Variants in LNPK observed in about 807,000 individuals in gnomAD.
LNPK encodes lunapark, ER junction formation factor.
A neutral mutation model predicts 55.2 loss-of-function variants in LNPK; 29 were observed. The ratio of observed to expected loss-of-function variants is 0.53; its 90% CI spans 0.39 to 0.72. LNPK has a LOEUF of 0.72. Among genes scored for constraint, LNPK ranks in the 30% least tolerant of loss-of-function variants. The probability of loss-of-function intolerance (pLI) is 0.00; values close to 1 mark genes in which losing one functional copy is unlikely to be tolerated. For synonymous variants in LNPK, 162 were observed against 168.2 expected (o/e 0.96, Z 0.29); for missense variants, 467 against 494.8 (o/e 0.94, Z 0.53).
At chr2:175,945,985 G>A (rs1053497513) in intron 9 of LNPK, among the ~76,000 whole-genome samples, 9 of 151,924 alleles carry the variant, frequency 5.9e-5, no homozygotes, top group Non-Finnish European at 1.2e-4. Flanking sequence ...CACAAATATG[G>A]CATAAAGAAA....
At position 175,937,196 on chromosome 2, in the gene LNPK, C is replaced by T. The variant is rs966417411; in HGVS notation, c.1054+148G>A. On this transcript the variant is annotated intron_variant, in intron 12 of 12. Coordinates refer to ENST00000272748, the MANE Select transcript of LNPK (RefSeq NM_030650.3). ...AGTGAAACACATCACACCTATCACACAGGAGGCTATGGTAACAGAGCCGTA... is the reference window on the plus strand; with the variant it reads ...AGTGAAACACATCACACCTATCACATAGGAGGCTATGGTAACAGAGCCGTA... 6.3e-5 allele frequency: 42 copies of T among 669,454 alleles called. No individual in the cohort carries two copies. The Middle Eastern group carries it at 9.5e-4, about 15-fold the overall frequency. The allele number at this position is 669,454 out of a possible 1,614,324, so 41.5% of individuals were successfully genotyped here.
intron 1 of LNPK, among the ~76,000 whole-genome samples, chr2:175,998,122 T>C (rs1435709798): frequency 6.6e-6 from 1 of 151,758 alleles, no homozygotes; most frequent in Non-Finnish European, 1.5e-5. Flanking sequence ...GCAAGAGAAG[T>C]GAAGTAGTGT....
At chr2:175,941,101 A>T (rs1036833515) in intron 9 of LNPK, 30 of 395,276 alleles carry the variant, frequency 7.6e-5, no homozygotes, top group Admixed American at 1.2e-4. Flanking sequence ...AAATACAAAA[A>T]TTAGCTGGGT....
intron 8 of LNPK, among the ~76,000 whole-genome samples, chr2:175,956,272 T>C (rs1230489572): frequency 7.8e-6 from 1 of 127,990 alleles, no homozygotes; most frequent in African/African-American, 3.0e-5. Context: ...AGTGAGACCA[T>C]GTATTCAAAA....
rs752570730 is a variant in LNPK, at chr2:175,947,624, G to A, written c.562C>T (p.Pro188Ser). 7 of 1,614,022 alleles carry A rather than the reference G, an allele frequency of 4.3e-6. 1 individual carries two copies. The South Asian group carries it at 7.7e-5, about 18-fold the overall frequency. ...PTPASPNQGP[P>S]PQVPVSPGPP... ...CCAGGAGATACTGGAACTTGTGGAG[G>A]AGGGCCCTGGTTAGGGCTTGCTGGT... The change falls in exon 9 of 13, where the codon CCT (proline) becomes TCT (serine). Residue 188 changes from proline (P) to serine (S), a missense_variant. Physicochemically the swap from Pro to Ser is moderately conservative, Grantham distance 74. Coordinates refer to ENST00000272748, the MANE Select transcript of LNPK (RefSeq NM_030650.3).
chr2:175,999,451 C>A (rs1688080039), intron 1 of LNPK, among the ~76,000 whole-genome samples: 1 of 152,190 alleles, frequency 6.6e-6, no homozygotes, highest in Non-Finnish European at 1.5e-5. Context: ...TGTATTCTAA[C>A]CTGTTTACAA....
chr2:175,930,279 C>CAA (rs1684210521), intron 12 of LNPK, 80 bp from the exon 13 acceptor site: 1 of 95,852 alleles, frequency 1.0e-5, no homozygotes, highest in Non-Finnish European at 2.0e-5. Flanking sequence ...AAGATAAACA[C>CAA]ACACACACAC....
chr2:175,963,360 GAAT>G (rs1686159699), intron 8 of LNPK, among the ~76,000 whole-genome samples: 2 of 152,080 alleles, frequency 1.3e-5, no homozygotes, highest in Non-Finnish European at 2.9e-5. Flanking sequence ...ATACACCATG[GAAT>G]ACTATGCAGC....
intron 3 of LNPK, 23 bp downstream of exon 3, chr2:175,993,159 T>C: frequency 6.9e-7 from 1 of 1,442,466 alleles, no homozygotes; most frequent in Non-Finnish European, 9.5e-7. Context: ...TGAATTAAAA[T>C]ACCTCACAGC....
intron 5 of LNPK, among the ~76,000 whole-genome samples, chr2:175,977,763 T>C (rs1447585): frequency 0.53 from 79,780 of 151,666 alleles, 21,711 homozygotes; most frequent in African/African-American, 0.66. Context: ...CAACTACAAA[T>C]AATTTTTTAA....
At chr2:175,969,968 TTTC>T (rs540753869) in intron 6 of LNPK, among the ~76,000 whole-genome samples, 38 of 152,286 alleles carry the variant, frequency 2.5e-4, no homozygotes, top group South Asian at 1.4e-3. Context: ...ACAATATTGG[TTTC>T]TTAATTATTA....
chr2:175,982,664 G>C (rs1687227396), intron 4 of LNPK, among the ~76,000 whole-genome samples: 1 of 151,908 alleles, frequency 6.6e-6, no homozygotes, highest in Non-Finnish European at 1.5e-5. Context: ...CAAAGCACTG[G>C]GATTACAGGC....
intron 5 of LNPK, among the ~76,000 whole-genome samples, chr2:175,976,473 A>G (rs1686918786): frequency 6.6e-6 from 1 of 152,226 alleles, no homozygotes; most frequent in South Asian, 2.1e-4. Flanking sequence ...CACACAAGGT[A>G]TCCAGATAAT....
At position 175,929,398 on chromosome 2, in the gene LNPK, T is replaced by C; in HGVS notation, c.*569A>G. On this transcript the variant is annotated 3_prime_UTR_variant, in exon 13 of 13. Transcript: ENST00000272748. ...CGTACCAGTGCCAACGTAGTTACAGTTCTACTTAACTGTTCCACTGCATTC... is the reference window on the plus strand; with the variant it reads ...CGTACCAGTGCCAACGTAGTTACAGCTCTACTTAACTGTTCCACTGCATTC... 1.0e-6 allele frequency: 1 copy of C among 985,502 alleles called. No homozygotes were observed. Among genetic ancestry groups the C allele is most frequent in the Non-Finnish European group, 1.2e-6 (1 of 829,642 alleles). 61.0% of individuals were successfully genotyped at this position (985,502 alleles called of 1,614,324 possible).
rs1684142263 is a variant in LNPK, at chr2:175,928,993, T to C, written c.*974A>G. The C allele has an allele frequency of 1.3e-5, 5 of 384,346 alleles. No individual in the cohort carries two copies. Among genetic ancestry groups the C allele is most frequent in the Non-Finnish European group, 1.1e-5 (3 of 280,196 alleles). The allele number at this position is 384,346 out of a possible 1,614,324, so 23.8% of individuals were successfully genotyped here. On this transcript the variant is annotated 3_prime_UTR_variant, in exon 13 of 13. Transcript: ENST00000272748. ...GAAACAAGTCTGAATAAAAGTACCA[T>C]AATTTGCTCTAAGCAGAATCTACAG...
At chr2:175,959,578 GAACT>G (rs961130875) in intron 8 of LNPK, among the ~76,000 whole-genome samples, 3 of 152,228 alleles carry the variant, frequency 2.0e-5, no homozygotes, top group Admixed American at 2.0e-4. Context: ...ACATGGAAAG[GAACT>G]AACGGTACCA....
intron 8 of LNPK, among the ~76,000 whole-genome samples, chr2:175,951,286 T>C (rs1041815707): frequency 6.6e-6 from 1 of 151,916 alleles, no homozygotes; most frequent in African/African-American, 2.4e-5. Context: ...GTAAGTTCTT[T>C]AGTGGTGATT....
chr2:175,956,955 TATTC>T (rs1254528416), intron 8 of LNPK, among the ~76,000 whole-genome samples: 1 of 152,192 alleles, frequency 6.6e-6, no homozygotes, highest in Non-Finnish European at 1.5e-5. Flanking sequence ...AATTTATGAC[TATTC>T]ATTTTAAGTA....
chr2:175,984,234 T>G (rs1447313371), intron 4 of LNPK, among the ~76,000 whole-genome samples: 1 of 151,832 alleles, frequency 6.6e-6, no homozygotes, highest in African/African-American at 2.4e-5. Flanking sequence ...TAGAGTGCAG[T>G]GGGGCGCGAT....
Sources: gnomAD v4.1 joint callset for allele counts (sites outside exome capture counted in the v4.1 genomes callset) on GRCh38, gnomAD v4.1.1 for gene constraint, MANE v1.5 for transcripts, NCBI Gene and HGNC (gene_info 2026-07-23, HGNC 2026-07-21) for gene names.